DLC1: variants seen among roughly 807,000 people sequenced by gnomAD.
The protein encoded by DLC1 is rho GTPase-activating protein 7.
DLC1 carries 54 observed loss-of-function variants against 140.3 expected under a neutral mutation model. That is an observed-to-expected ratio of 0.38 (90% CI 0.31 to 0.48). The LOEUF (loss-of-function observed/expected upper bound fraction) is 0.48, where lower values mean the gene tolerates loss of function less well. DLC1 is among the 20% of genes least tolerant of loss of function. DLC1 has a pLI of 0.96. For synonymous variants in DLC1, 986 were observed against 728.1 expected (o/e 1.35, Z -5.70); for missense variants, 2,536 against 1,907.0 (o/e 1.33, Z -6.14).
intron 4 of DLC1, among the ~76,000 whole-genome samples, chr8:13,347,737 A>T (rs1563271939): frequency 6.6e-6 from 1 of 152,172 alleles, no homozygotes. Flanking sequence ...AAGCATGAAT[A>T]ACTCATTTCA....
At chr8:13,491,344 C>A (rs3988457) in intron 2 of DLC1, among the ~76,000 whole-genome samples, 114,231 of 151,802 alleles carry the variant, frequency 0.75, 44,392 homozygotes, top group Middle Eastern at 0.9. Context: ...AGTGACATTA[C>A]CCAGAAAAGC....
rs1824322724 is a variant in DLC1, at chr8:13,157,309, G to T, written c.1349-41652C>A. Among the ~76,000 whole-genome samples the T allele has an allele frequency of 2.0e-5, 3 of 152,182 alleles. No homozygotes were observed. The South Asian group carries it at 6.2e-4, about 32-fold the overall frequency. On this transcript the variant is annotated intron_variant, in intron 5 of 17. Coordinates refer to ENST00000276297, the MANE Select transcript of DLC1 (RefSeq NM_182643.3). ...AATACGTGCAATTTGAGTAGGCGGG[G>T]TTAGAGAAAGTACAGGAGCAAAAAG...
At chr8:13,158,987 G>A (rs66582836) in intron 5 of DLC1, among the ~76,000 whole-genome samples, 55,435 of 151,856 alleles carry the variant, frequency 0.37, 10,284 homozygotes, top group South Asian at 0.44. Context: ...GGGAACCAGC[G>A]CTGTATTCAT....
chr8:13,296,176 G>A (rs1831946202), intron 5 of DLC1, among the ~76,000 whole-genome samples: 2 of 151,752 alleles, frequency 1.3e-5, no homozygotes, highest in South Asian at 2.1e-4. Context: ...GGCTGGTCTC[G>A]AGCTCTTGGC....
In DLC1 at chr8:13,208,769, C is replaced by T. The variant is rs79126099; in HGVS notation, c.1349-93112G>A. ...AGACACACACACACACACACACACA[C>T]ACACACTTCTAATAAATGCTAAGAA... On this transcript the variant is annotated intron_variant, in intron 5 of 17. Coordinates refer to ENST00000276297, the MANE Select transcript of DLC1 (RefSeq NM_182643.3). Among the ~76,000 whole-genome samples the T allele has an allele frequency of 3.5e-3, 529 of 150,464 alleles. 4 individuals are homozygous for T. The highest frequency in any genetic ancestry group is 0.015 in the East Asian group (75 of 5,156).
chr8:13,552,686 C>T (rs1270525236), intron 1 of DLC1, among the ~76,000 whole-genome samples: 2 of 151,482 alleles, frequency 1.3e-5, no homozygotes, highest in African/African-American at 4.8e-5. Flanking sequence ...AAAGCAACAA[C>T]AAAATTACTA....
intron 4 of DLC1, among the ~76,000 whole-genome samples, chr8:13,327,875 A>C (rs1316325678): frequency 6.6e-6 from 1 of 152,236 alleles, no homozygotes; most frequent in Admixed American, 6.5e-5. Flanking sequence ...AGAGAGGGTA[A>C]CTTCATTTAG....
At chr8:13,552,681 A>G (rs975540166) in intron 1 of DLC1, among the ~76,000 whole-genome samples, 2 of 151,740 alleles carry the variant, frequency 1.3e-5, no homozygotes. Flanking sequence ...AGAGAAAAGC[A>G]ACAACAAAAT....
chr8:13,594,971 T>C (rs892913656), intron 1 of DLC1, among the ~76,000 whole-genome samples: 4 of 152,104 alleles, frequency 2.6e-5, no homozygotes, highest in Admixed American at 2.0e-4. Context: ...ATTCCTATTT[T>C]CTTGTGAATT....
At chr8:13,488,203 A>G (rs1801058446) in intron 2 of DLC1, among the ~76,000 whole-genome samples, 1 of 152,202 alleles carries the variant, frequency 6.6e-6, no homozygotes, top group Admixed American at 6.5e-5. Flanking sequence ...CATGATTCTT[A>G]TGTATCAGGG....
chr8:13,175,830 C>T (rs946800475), intron 5 of DLC1, among the ~76,000 whole-genome samples: 12 of 152,200 alleles, frequency 7.9e-5, no homozygotes, highest in African/African-American at 2.9e-4. Flanking sequence ...GAACTGTTCT[C>T]TCACCAAAGT....
intron 1 of DLC1, among the ~76,000 whole-genome samples, chr8:13,503,642 C>T (rs73208100): frequency 0.13 from 19,279 of 152,112 alleles, 2,253 homozygotes; most frequent in East Asian, 0.38. Context: ...GTACCACTGG[C>T]TGAAATCAAG....
At chr8:13,366,866 G>C (rs73205721) in intron 4 of DLC1, among the ~76,000 whole-genome samples, 22,257 of 151,930 alleles carry the variant, frequency 0.15, 1,844 homozygotes, top group Middle Eastern at 0.2. Context: ...TTCTGGCCGG[G>C]CTCTCCCACA....
At chr8:13,359,717 A>G (rs12677362) in intron 4 of DLC1, among the ~76,000 whole-genome samples, 41,103 of 152,136 alleles carry the variant, frequency 0.27, 6,609 homozygotes, top group Middle Eastern at 0.4. Context: ...ATTGCTTGTT[A>G]TATATAATAA....
In DLC1 at chr8:13,593,560, G is replaced by A. The variant is rs145431578; in HGVS notation, c.-126+10977C>T. ...GCCAAAGACAGGCTAATGTGAAAGA[G>A]TGAAGAGATGTGTTCCTTGAATAAC... On this transcript the variant is annotated intron_variant, in intron 1 of 1. Transcript: ENST00000631382. 5.5e-4 allele frequency among the ~76,000 whole-genome samples: 84 copies of A among 152,206 alleles called. 1 individual carries two copies. Among genetic ancestry groups the A allele is most frequent in the Middle Eastern group, 3.4e-3 (1 of 294 alleles).
At chr8:13,283,707 A>C (rs1467577515) in intron 5 of DLC1, among the ~76,000 whole-genome samples, 1 of 152,028 alleles carries the variant, frequency 6.6e-6, no homozygotes, top group Non-Finnish European at 1.5e-5. Context: ...TAGAGATCAG[A>C]TATCCCTATA....
chr8:13,540,635 A>G (rs1803451942), intron 1 of DLC1, among the ~76,000 whole-genome samples: 3 of 152,194 alleles, frequency 2.0e-5, no homozygotes, highest in East Asian at 1.9e-4. Context: ...AGATCAATCA[A>G]TTTCCTATTA....
chr8:13,388,824 T>G (rs1836632146), intron 4 of DLC1, among the ~76,000 whole-genome samples: 1 of 152,044 alleles, frequency 6.6e-6, no homozygotes, highest in South Asian at 2.1e-4. Flanking sequence ...TAGAAAATGA[T>G]GTTAAAAGCC....
Position 13,507,029 on chromosome 8 carries a change from A to G in DLC1, c.-125-6833T>C, listed in dbSNP as rs138155995. ...AATTAGGCAACTAGAAAAGACGATC[A>G]ACAACCTGGAAACAGACATGATCAC... On this transcript the variant is annotated intron_variant, in intron 1 of 17. Coordinates refer to ENST00000276297, the MANE Select transcript of DLC1 (RefSeq NM_182643.3). 3.7e-3 allele frequency among the ~76,000 whole-genome samples: 570 copies of G among 152,330 alleles called. 4 individuals are homozygous for G. The highest frequency in any genetic ancestry group is 6.6e-3 in the Non-Finnish European group (448 of 68,020).
Sources: gnomAD v4.1 joint callset for allele counts (sites outside exome capture counted in the v4.1 genomes callset) on GRCh38, gnomAD v4.1.1 for gene constraint, MANE v1.5 for transcripts, NCBI Gene and HGNC (gene_info 2026-07-23, HGNC 2026-07-21) for gene names.